FAT3: variants seen among roughly 807,000 people sequenced by gnomAD.
FAT3 encodes protocadherin Fat 3.
In FAT3, 95 loss-of-function variants were observed where a neutral mutation model predicts 310.2. The ratio of observed to expected loss-of-function variants is 0.31; its 90% CI spans 0.26 to 0.36. FAT3 has a LOEUF of 0.36. FAT3 is among the 10% of genes least tolerant of loss of function. FAT3 has a pLI of 1.00. For synonymous variants in FAT3, 2,314 were observed against 2,192.9 expected (o/e 1.06, Z -1.54); for missense variants, 5,408 against 5,715.6 (o/e 0.95, Z 1.74).
At chr11:92,567,545 C>A (rs898180966) in intron 3 of FAT3, among the ~76,000 whole-genome samples, 2 of 151,268 alleles carry the variant, frequency 1.3e-5, no homozygotes, top group African/African-American at 4.9e-5. Context: ...GGTATATACC[C>A]AAAGGACTAT....
intron 4 of FAT3, among the ~76,000 whole-genome samples, chr11:92,715,249 A>G (rs1027208115): frequency 1.5e-4 from 22 of 150,934 alleles, no homozygotes; most frequent in Admixed American, 9.9e-4. Flanking sequence ...ACTAAAAAAA[A>G]AAAAAAAAAA....
chr11:92,351,693 A>G (rs1311689347), intron 1 of FAT3, among the ~76,000 whole-genome samples: 1 of 151,916 alleles, frequency 6.6e-6, no homozygotes, highest in Non-Finnish European at 1.5e-5. Flanking sequence ...AAACTGTGCT[A>G]TAACAGATAA....
At chr11:92,386,948 G>A (rs1366441135) in intron 2 of FAT3, among the ~76,000 whole-genome samples, 1 of 152,170 alleles carries the variant, frequency 6.6e-6, no homozygotes. Context: ...ATTCTAGACA[G>A]CCAAAGACGT....
intron 4 of FAT3, among the ~76,000 whole-genome samples, chr11:92,740,697 A>T (rs891106581): frequency 2.6e-5 from 4 of 152,218 alleles, no homozygotes; most frequent in Admixed American, 6.6e-5. Flanking sequence ...TCAGGGAAAG[A>T]GGATTTTTAA....
chr11:92,531,326 G>A (rs547810967), intron 3 of FAT3, among the ~76,000 whole-genome samples: 3 of 152,276 alleles, frequency 2.0e-5, no homozygotes, highest in African/African-American at 7.2e-5. Flanking sequence ...AGGACAAAGG[G>A]AACTTTTCTG....
intron 3 of FAT3, among the ~76,000 whole-genome samples, chr11:92,585,625 G>A (rs1190713372): frequency 6.6e-6 from 1 of 152,014 alleles, no homozygotes; most frequent in East Asian, 1.9e-4. Context: ...ATGGATACAT[G>A]ATTGTTGTTT....
intron 2 of FAT3, among the ~76,000 whole-genome samples, chr11:92,512,861 G>A (rs1953346098): frequency 1.3e-5 from 1 of 79,324 alleles, no homozygotes; most frequent in Non-Finnish European, 2.4e-5. Flanking sequence ...GGTGGCTCAC[G>A]CCTGTAATCC....
intron 19 of FAT3, among the ~76,000 whole-genome samples, chr11:92,847,776 C>A (rs956405482): frequency 6.6e-6 from 1 of 152,130 alleles, no homozygotes; most frequent in Non-Finnish European, 1.5e-5. Flanking sequence ...GTTTTAATAG[C>A]AATAGCTTTC....
intron 2 of FAT3, among the ~76,000 whole-genome samples, chr11:92,407,173 A>G (rs1464511177): frequency 2.0e-5 from 3 of 152,180 alleles, no homozygotes; most frequent in African/African-American, 7.2e-5. Flanking sequence ...ACAAGAGGGT[A>G]GTGGGGGCAA....
rs1026772825 is a variant in FAT3, at chr11:92,722,010, A to G, written c.3669+24565A>G. On this transcript the variant is annotated intron_variant, in intron 4 of 27. Coordinates refer to ENST00000525166, the MANE Select transcript of FAT3 (RefSeq NM_001367949.2). Reference sequence around the variant, plus strand: ...ATTTGGGTGGGGACAGGGCCAAACCATATCATTCTCCCCTGGCCCCTCCCA... The same window carrying G: ...ATTTGGGTGGGGACAGGGCCAAACCGTATCATTCTCCCCTGGCCCCTCCCA... Among the ~76,000 whole-genome samples, 43 of 152,058 alleles carry G rather than the reference A, an allele frequency of 2.8e-4. 1 individual carries two copies. Among genetic ancestry groups the G allele is most frequent in the African/African-American group, 1.0e-3 (43 of 41,504 alleles).
At chr11:92,832,882 C>A (rs533017684) in intron 14 of FAT3, among the ~76,000 whole-genome samples, 1 of 152,124 alleles carries the variant, frequency 6.6e-6, no homozygotes. Context: ...CAAGTAGACT[C>A]CATCGGTGAG....
At chr11:92,806,035 G>A (rs929046753) in intron 11 of FAT3, among the ~76,000 whole-genome samples, 7 of 152,136 alleles carry the variant, frequency 4.6e-5, no homozygotes, top group Admixed American at 4.6e-4. Flanking sequence ...AAAACAGACA[G>A]CCATGGTCAA....
At chr11:92,715,298 C>T (rs866893764) in intron 4 of FAT3, among the ~76,000 whole-genome samples, 1 of 150,974 alleles carries the variant, frequency 6.6e-6, no homozygotes, top group Non-Finnish European at 1.5e-5. Context: ...GTCCCAGCTA[C>T]TCAGGAGGCT....
At chr11:92,488,926 C>T (rs1952514912) in intron 2 of FAT3, among the ~76,000 whole-genome samples, 1 of 152,072 alleles carries the variant, frequency 6.6e-6, no homozygotes, top group South Asian at 2.1e-4. Context: ...GTGATAAGCA[C>T]AGGTTACTTC....
chr11:92,679,958 A>AT (rs1943426195), intron 3 of FAT3, among the ~76,000 whole-genome samples: 1 of 142,326 alleles, frequency 7.0e-6, no homozygotes, highest in African/African-American at 2.6e-5. Flanking sequence ...TTTTAATGGG[A>AT]TTTTTTTGTT....
chr11:92,821,746 TAA>T (rs756171187), intron 13 of FAT3, among the ~76,000 whole-genome samples: 5 of 152,132 alleles, frequency 3.3e-5, no homozygotes, highest in African/African-American at 7.2e-5. Context: ...TCAAAAACGT[TAA>T]GTGGCCCCTC....
At chr11:92,522,947 C>T (rs1003494068) in intron 2 of FAT3, among the ~76,000 whole-genome samples, 5 of 152,132 alleles carry the variant, frequency 3.3e-5, no homozygotes, top group Non-Finnish European at 7.4e-5. Context: ...AGGCATAAAA[C>T]CAACCTGGCC....
chr11:92,889,511 C>G (rs192351925), intron 26 of FAT3, among the ~76,000 whole-genome samples: 1 of 152,016 alleles, frequency 6.6e-6, no homozygotes, highest in Non-Finnish European at 1.5e-5. Flanking sequence ...CAGATTAATA[C>G]TAAATTTATC....
At chr11:92,509,990 CATCT>C in intron 2 of FAT3, among the ~76,000 whole-genome samples, 1 of 152,178 alleles carries the variant, frequency 6.6e-6, no homozygotes, top group South Asian at 2.1e-4. Flanking sequence ...TCAAAAGATT[CATCT>C]ATCTTCTACC....
Sources: allele counts gnomAD v4.1 joint callset (sites outside exome capture counted in the v4.1 genomes callset), GRCh38; gene constraint gnomAD v4.1.1; transcripts MANE v1.5; gene names NCBI Gene and HGNC (gene_info 2026-07-23, HGNC 2026-07-21).